Variants in CSNK1G3 observed in about 807,000 individuals in gnomAD.
CSNK1G3 encodes casein kinase 1 gamma 3.
In CSNK1G3, 23 loss-of-function variants were observed where a neutral mutation model predicts 64.3. That is an observed-to-expected ratio of 0.36 (90% CI 0.26 to 0.51). The LOEUF (loss-of-function observed/expected upper bound fraction) is 0.51. CSNK1G3 is among the 20% of genes least tolerant of loss of function. CSNK1G3 has a pLI of 0.96. For synonymous variants in CSNK1G3, 158 were observed against 162.2 expected (o/e 0.97, Z 0.20); for missense variants, 357 against 510.5 (o/e 0.70, Z 2.90).
chr5:123,529,581 A>C (rs1779597649), intron 1 of CSNK1G3, among the ~76,000 whole-genome samples: 1 of 152,112 alleles, frequency 6.6e-6, no homozygotes, highest in African/African-American at 2.4e-5. Context: ...ATATTTGTTG[A>C]ATGAAAATAA....
chr5:123,596,066 C>G (rs1219288568), intron 10 of CSNK1G3, among the ~76,000 whole-genome samples: 2 of 151,912 alleles, frequency 1.3e-5, no homozygotes, highest in Non-Finnish European at 2.9e-5. Context: ...TCAACTGATT[C>G]TGTACTCTGG....
intron 12 of CSNK1G3, among the ~76,000 whole-genome samples, chr5:123,606,556 G>A (rs1290630849): frequency 1.3e-5 from 2 of 152,126 alleles, no homozygotes; most frequent in Admixed American, 6.6e-5. Context: ...AAAATTAAAT[G>A]TGATAAAGCC....
chr5:123,564,900 C>A (rs983227109), intron 4 of CSNK1G3, among the ~76,000 whole-genome samples: 2 of 152,138 alleles, frequency 1.3e-5, no homozygotes, highest in African/African-American at 4.8e-5. Flanking sequence ...GACAGCACTT[C>A]TTAAACTTTC....
intron 3 of CSNK1G3, among the ~76,000 whole-genome samples, chr5:123,557,266 A>G (rs1401288899): frequency 6.6e-6 from 1 of 152,046 alleles, no homozygotes; most frequent in Non-Finnish European, 1.5e-5. Flanking sequence ...AACTTAAGGG[A>G]TTTTTCTCCT....
intron 12 of CSNK1G3, among the ~76,000 whole-genome samples, chr5:123,611,794 T>G (rs1042622506): frequency 6.6e-6 from 1 of 152,208 alleles, no homozygotes; most frequent in Non-Finnish European, 1.5e-5. Flanking sequence ...ATGGCCATAT[T>G]CTTAAATTTA....
In CSNK1G3 at chr5:123,569,514, T is replaced by C. The variant is rs189351037; in HGVS notation, c.290-3879T>C. Among the ~76,000 whole-genome samples, 35 of 152,330 alleles carry C rather than the reference T, an allele frequency of 2.3e-4. 1 individual carries two copies. The highest frequency in any genetic ancestry group is 2.2e-3 in the Admixed American group (33 of 15,302). ...TGGAGGACACTGGTTCATTGAGTTATGCATGTATTTCAAATACTAACACAT... is the reference window on the plus strand; with the variant it reads ...TGGAGGACACTGGTTCATTGAGTTACGCATGTATTTCAAATACTAACACAT... On this transcript the variant is annotated intron_variant, in intron 4 of 12. Transcript: ENST00000345990.
At chr5:123,612,205 C>G (rs1049735743) in intron 12 of CSNK1G3, among the ~76,000 whole-genome samples, 1 of 152,114 alleles carries the variant, frequency 6.6e-6, no homozygotes, top group Non-Finnish European at 1.5e-5. Context: ...TTACATTCCA[C>G]GGTCTAGTCG....
chr5:123,604,957 T>C lies in CSNK1G3; in HGVS notation c.1193+127T>C, dbSNP rs1047560637. 6 of 644,588 alleles carry C rather than the reference T, an allele frequency of 9.3e-6. No individual in the cohort carries two copies. In the Admixed American group the frequency reaches 1.8e-4, roughly 20 times the overall value. The allele number at this position is 644,588 out of a possible 1,614,324, so 39.9% of individuals were successfully genotyped here. ...GAATAGGTGCATGCAAAACAAGTGG[T>C]ATGCTTAATTATTTTAATCACTAGA... On this transcript the variant is annotated intron_variant, in intron 11 of 12. Transcript: ENST00000345990.
chr5:123,514,870 C>A (rs1318073979), intron 1 of CSNK1G3, among the ~76,000 whole-genome samples: 1 of 151,748 alleles, frequency 6.6e-6, no homozygotes, highest in African/African-American at 2.4e-5. Flanking sequence ...CATGGAAGTT[C>A]AGCTTGTATT....
chr5:123,563,324 A>C (rs558345096), intron 4 of CSNK1G3, among the ~76,000 whole-genome samples: 4 of 152,088 alleles, frequency 2.6e-5, no homozygotes, highest in South Asian at 4.2e-4. Context: ...TCTAAGCAAT[A>C]ATTTGATGGT....
intron 10 of CSNK1G3, among the ~76,000 whole-genome samples, chr5:123,604,394 A>AGACAC (rs934252536): frequency 2.3e-4 from 35 of 152,254 alleles, no homozygotes; most frequent in African/African-American, 7.0e-4. Flanking sequence ...CAGAGGACAT[A>AGACAC]GACACACAAG....
chr5:123,595,501 A>G (rs1258601129), intron 10 of CSNK1G3, among the ~76,000 whole-genome samples: 1 of 152,084 alleles, frequency 6.6e-6, no homozygotes, highest in Non-Finnish European at 1.5e-5. Context: ...ATTTTTTCCC[A>G]TTCATTGACT....
In CSNK1G3 at chr5:123,553,105, A is replaced by G; in HGVS notation, c.179-2A>G. The G allele has an allele frequency of 1.4e-6, 2 of 1,385,862 alleles. No homozygotes were observed. Among genetic ancestry groups the G allele is most frequent in the Non-Finnish European group, 1.9e-6 (2 of 1,029,326 alleles). 85.8% of individuals were successfully genotyped at this position (1,385,862 alleles called of 1,614,324 possible). Reference sequence around the variant, plus strand: ...GAATCTGATTTTTTTTTCTTTTTCAAGGGAAAAATTTATACACAAATGAAT... The same window carrying G: ...GAATCTGATTTTTTTTTCTTTTTCAGGGGAAAAATTTATACACAAATGAAT... On this transcript the variant is annotated splice_acceptor_variant, in intron 2 of 12. Coordinates refer to ENST00000345990, the Ensembl canonical transcript of CSNK1G3. LOFTEE classifies it high-confidence loss of function.
intron 6 of CSNK1G3, among the ~76,000 whole-genome samples, chr5:123,584,552 T>G (rs1269429611): frequency 6.6e-6 from 1 of 152,196 alleles, no homozygotes; most frequent in East Asian, 1.9e-4. Context: ...TGTTTGTGTT[T>G]ATGAGGAATA....
intron 12 of CSNK1G3, among the ~76,000 whole-genome samples, chr5:123,609,024 A>G (rs1321665112): frequency 6.6e-6 from 1 of 152,184 alleles, no homozygotes; most frequent in African/African-American, 2.4e-5. Flanking sequence ...GGCAAGGGAA[A>G]TGGATAGAAG....
At chr5:123,534,716 A>G (rs1170665286) in intron 1 of CSNK1G3, among the ~76,000 whole-genome samples, 2 of 151,914 alleles carry the variant, frequency 1.3e-5, no homozygotes, top group East Asian at 3.9e-4. Context: ...CCCCACTTGA[A>G]CCTCCAGATG....
intron 10 of CSNK1G3, among the ~76,000 whole-genome samples, chr5:123,597,428 A>T (rs1793642274): frequency 1.3e-5 from 2 of 152,176 alleles, no homozygotes; most frequent in Non-Finnish European, 2.9e-5. Context: ...CAGAAACAGA[A>T]TCAAGTTACT....
chr5:123,550,708 G>A (rs1783470343), intron 2 of CSNK1G3, among the ~76,000 whole-genome samples: 1 of 152,090 alleles, frequency 6.6e-6, no homozygotes, highest in Non-Finnish European at 1.5e-5. Flanking sequence ...CACTTAACCG[G>A]CACCAGTTTA....
At chr5:123,539,995 T>C (rs185652452) in intron 1 of CSNK1G3, among the ~76,000 whole-genome samples, 29 of 152,280 alleles carry the variant, frequency 1.9e-4, no homozygotes, top group Admixed American at 1.8e-3. Context: ...ATTGTTCTTA[T>C]TGGTAATTTG....
Sources: gnomAD v4.1 joint callset for allele counts (sites outside exome capture counted in the v4.1 genomes callset) on GRCh38, gnomAD v4.1.1 for gene constraint, MANE v1.5 for transcripts, NCBI Gene and HGNC (gene_info 2026-07-23, HGNC 2026-07-21) for gene names.